SEZ6L: variants seen among roughly 807,000 people sequenced by gnomAD.
SEZ6L encodes the protein seizure 6-like protein.
In SEZ6L, 37 loss-of-function variants were observed where a neutral mutation model predicts 106.2. The ratio of observed to expected loss-of-function variants is 0.35; its 90% confidence interval spans 0.27 to 0.46. The LOEUF is 0.46. Among genes scored for constraint, SEZ6L ranks in the 20% least tolerant of loss-of-function variants. SEZ6L has a pLI of 1.00. For missense variants in SEZ6L, 1,172 were observed against 1,332.8 expected (o/e 0.88, Z 1.88); for synonymous variants, 541 against 570.4 (o/e 0.95, Z 0.73).
chr22:26,169,877 G>A lies in SEZ6L; in HGVS notation c.94+114G>A, dbSNP rs138930812. 2.1e-3 allele frequency: 942 copies of A among 446,766 alleles called. 3 individuals carry two copies. Among genetic ancestry groups the A allele is most frequent in the Non-Finnish European group, 2.6e-3 (721 of 272,382 alleles). The allele number at this position is 446,766 out of a possible 1,614,324, so 27.7% of individuals were successfully genotyped here. Reference sequence around the variant, plus strand: ...GGCACCACCCGCCGGGATGGGAAGCGGTGGTGGCTGTCCAAAATCGGGGCT... The same window carrying A: ...GGCACCACCCGCCGGGATGGGAAGCAGTGGTGGCTGTCCAAAATCGGGGCT... On this transcript the variant is annotated intron_variant, in intron 1 of 16. Transcript: ENST00000248933.
At chr22:26,179,298 G>A (rs1939229169) in intron 1 of SEZ6L, among the ~76,000 whole-genome samples, 1 of 152,200 alleles carries the variant, frequency 6.6e-6, no homozygotes, top group Admixed American at 6.5e-5. Flanking sequence ...GCTGAGATGG[G>A]GGGATCCACT....
chr22:26,190,370 A>G lies in SEZ6L; in HGVS notation c.94+20607A>G, dbSNP rs140629130. Reference sequence around the variant, plus strand: ...ACTTGATGGGAGCAAAGATATATACATATATATTTTAGCACCTATAAAACC... The same window carrying G: ...ACTTGATGGGAGCAAAGATATATACGTATATATTTTAGCACCTATAAAACC... On this transcript the variant is annotated intron_variant, in intron 1 of 16. Coordinates refer to ENST00000248933, the MANE Select transcript of SEZ6L (RefSeq NM_021115.5). 2.6e-3 allele frequency among the ~76,000 whole-genome samples: 396 copies of G among 152,278 alleles called. 11 individuals are homozygous for G. The South Asian group carries it at 0.064, about 25-fold the overall frequency.
intron 9 of SEZ6L, among the ~76,000 whole-genome samples, chr22:26,314,552 G>T (rs1349249110): frequency 6.6e-6 from 1 of 152,136 alleles, no homozygotes; most frequent in Non-Finnish European, 1.5e-5. Flanking sequence ...ACAGTCTAAC[G>T]CAGAGTCTGA....
At chr22:26,335,121 C>A (rs1259733408) in intron 9 of SEZ6L, among the ~76,000 whole-genome samples, 1 of 152,170 alleles carries the variant, frequency 6.6e-6, no homozygotes, top group Non-Finnish European at 1.5e-5. Flanking sequence ...TTGGTAAATA[C>A]ATGGATGAGC....
At chr22:26,312,101 T>C in intron 8 of SEZ6L, 139 bp downstream of exon 8, 1 of 836,620 alleles carries the variant, frequency 1.2e-6, no homozygotes, top group Non-Finnish European at 1.8e-6. Context: ...CAGGGTTCAC[T>C]GTCCTTTGGT....
Position 26,324,726 on chromosome 22 carries a change from G to A in SEZ6L, c.2015+10824G>A, listed in dbSNP as rs954915425. On this transcript the variant is annotated intron_variant, in intron 9 of 16. Transcript: ENST00000248933. The stretch of plus-strand genomic sequence containing the variant: ...AGGATTTCCCTGGAGCCAAAAGTTC[G>A]AAGGAATTAGAGAAGGAGCAGAAAA... Among the ~76,000 whole-genome samples, 17 of 152,290 alleles carry A rather than the reference G, an allele frequency of 1.1e-4. No individual in the cohort carries two copies. The East Asian group carries it at 1.3e-3, about 12-fold the overall frequency.
chr22:26,338,369 C>T (rs114959216), intron 9 of SEZ6L, among the ~76,000 whole-genome samples: 3,369 of 152,180 alleles, frequency 0.022, 124 homozygotes, highest in African/African-American at 0.077. Context: ...CTTCCCTCTG[C>T]CTTCTCCCCA....
chr22:26,363,531 G>A (rs1044275226), intron 12 of SEZ6L, among the ~76,000 whole-genome samples: 4 of 152,224 alleles, frequency 2.6e-5, no homozygotes, highest in Non-Finnish European at 2.9e-5. Flanking sequence ...TGCCAGAAAA[G>A]ATTCTGAAGT....
At chr22:26,332,472 C>T (rs1019886222) in intron 9 of SEZ6L, among the ~76,000 whole-genome samples, 1 of 145,924 alleles carries the variant, frequency 6.9e-6, no homozygotes, top group African/African-American at 2.5e-5. Context: ...TTTTAGACAG[C>T]ATCTCACTGT....
chr22:26,318,760 C>A (rs1377083538), intron 9 of SEZ6L, among the ~76,000 whole-genome samples: 1 of 152,168 alleles, frequency 6.6e-6, no homozygotes, highest in Non-Finnish European at 1.5e-5. Flanking sequence ...CTCCCTATAT[C>A]TACTTATAGG....
intron 1 of SEZ6L, among the ~76,000 whole-genome samples, chr22:26,207,996 G>A (rs1422040295): frequency 4.7e-5 from 7 of 149,996 alleles, no homozygotes; most frequent in Non-Finnish European, 1.0e-4. Context: ...TGCAAGCTCC[G>A]CCTCCCGGGT....
chr22:26,341,282 A>C (rs1340723388), intron 10 of SEZ6L, among the ~76,000 whole-genome samples: 3 of 149,260 alleles, frequency 2.0e-5, no homozygotes, highest in Admixed American at 6.7e-5. Context: ...CAAAAAAAAA[A>C]CCTGCTATCA....
At chr22:26,212,506 T>C (rs1047751195) in intron 1 of SEZ6L, among the ~76,000 whole-genome samples, 1 of 152,202 alleles carries the variant, frequency 6.6e-6, no homozygotes, top group Non-Finnish European at 1.5e-5. Context: ...CACTGCTGCC[T>C]CAACTTCCCA....
chr22:26,350,935 CG>C (rs2083256908), intron 11 of SEZ6L, 116 bp from the exon 12 acceptor site: 2 of 1,010,400 alleles, frequency 2.0e-6, no homozygotes, highest in Admixed American at 2.6e-5. Context: ...GGACTACAGG[CG>C]TGAGCCACCG....
chr22:26,356,682 A>G (rs555056027), intron 12 of SEZ6L, among the ~76,000 whole-genome samples: 2 of 99,220 alleles, frequency 2.0e-5, no homozygotes, highest in Admixed American at 1.1e-4. Flanking sequence ...TAATAATAAT[A>G]ATAATAATAA....
At chr22:26,226,328 C>T (rs2078632900) in intron 1 of SEZ6L, among the ~76,000 whole-genome samples, 1 of 152,230 alleles carries the variant, frequency 6.6e-6, no homozygotes, top group African/African-American at 2.4e-5. Context: ...TCCTTGCCCA[C>T]CTCTCACCAC....
At chr22:26,341,696 A>G (rs2082842576) in intron 10 of SEZ6L, among the ~76,000 whole-genome samples, 1 of 152,144 alleles carries the variant, frequency 6.6e-6, no homozygotes, top group Admixed American at 6.6e-5. Flanking sequence ...ACTACCCAAC[A>G]GCATCCCCTG....
chr22:26,378,877 C>G (rs772459622), intron 16 of SEZ6L, among the ~76,000 whole-genome samples: 1 of 152,224 alleles, frequency 6.6e-6, no homozygotes, highest in Non-Finnish European at 1.5e-5. Context: ...CTTCTCTGAT[C>G]TCCTGTGTTA....
chr22:26,286,860 G>A lies in SEZ6L; in HGVS notation c.95-5546G>A, dbSNP rs528559152. ...CCTTCTGGGTTTGAGTGATTCTCCCGCCTCAGCTTCCCAAGTAGCTGGGAT... is the reference window on the plus strand; with the variant it reads ...CCTTCTGGGTTTGAGTGATTCTCCCACCTCAGCTTCCCAAGTAGCTGGGAT... On this transcript the variant is annotated intron_variant, in intron 1 of 16. Transcript: ENST00000248933. Among the ~76,000 whole-genome samples, 15 of 148,840 alleles carry A rather than the reference G, an allele frequency of 1.0e-4. No homozygotes were observed. In the South Asian group the frequency reaches 1.5e-3, roughly 15 times the overall value.
Sources: allele counts gnomAD v4.1 joint callset (sites outside exome capture counted in the v4.1 genomes callset), GRCh38; gene constraint gnomAD v4.1.1; transcripts MANE v1.5; gene names NCBI Gene and HGNC (gene_info 2026-07-23, HGNC 2026-07-21).